Variants in RORA observed in about 807,000 individuals in gnomAD.
RORA encodes nuclear receptor ROR-alpha.
RORA carries 7 observed loss-of-function variants against 69.5 expected under a neutral mutation model. That is an observed-to-expected ratio of 0.10 (90% CI 0.06 to 0.19). RORA has a LOEUF of 0.19. Ranked by LOEUF, RORA falls within the 10% of genes least tolerant of loss-of-function variation. The probability of loss-of-function intolerance (pLI) is 1.00; values close to 1 mark genes in which losing one functional copy is unlikely to be tolerated. For synonymous variants in RORA, 261 were observed against 240.8 expected, an observed-to-expected ratio of 1.08 and a Z score of -0.78; for missense variants, 457 against 663.0, an observed-to-expected ratio of 0.69 and a Z score of 3.41.
Position 61,229,155 on chromosome 15 carries a change from C to A in RORA, c.64G>T (p.Ala22Ser). Residue 22 changes from alanine to serine, a missense_variant, in exon 1 of 11, where the codon GCG (alanine) becomes TCG (serine). By Grantham distance (99) the Ala-to-Ser change is moderately conservative. Coordinates refer to ENST00000335670, the MANE Select transcript of RORA (RefSeq NM_134261.3). ...ASEPGSSGAD[A>S]AAGSRETPLN... ...GGGGTCTCCCTGGAGCCGGCGGCCG[C>A]GTCCGCGCCGCTGCTGCCTGGCTCG... 1 of 1,546,764 alleles carries A rather than the reference C, an allele frequency of 6.5e-7. No homozygotes were observed. Among genetic ancestry groups the A allele is most frequent in the Non-Finnish European group, 8.7e-7 (1 of 1,146,732 alleles).
At chr15:60,857,601 A>G (rs926612690) in intron 1 of RORA, among the ~76,000 whole-genome samples, 3 of 152,164 alleles carry the variant, frequency 2.0e-5, no homozygotes, top group African/African-American at 7.2e-5. Flanking sequence ...TCAGCCTCAA[A>G]GCATCCAGCC....
At chr15:60,685,245 A>T (rs966140666) in intron 1 of RORA, among the ~76,000 whole-genome samples, 9 of 152,190 alleles carry the variant, frequency 5.9e-5, no homozygotes, top group Non-Finnish European at 1.0e-4. Context: ...TCCCTGCCAC[A>T]TTCTCAACAA....
chr15:60,647,269 G>A (rs1413500346), intron 2 of RORA, among the ~76,000 whole-genome samples: 3 of 152,130 alleles, frequency 2.0e-5, no homozygotes, highest in Non-Finnish European at 2.9e-5. Context: ...CCCTTAAGCC[G>A]CACTCAGATA....
intron 2 of RORA, among the ~76,000 whole-genome samples, chr15:60,551,197 G>C (rs2067218513): frequency 6.6e-6 from 1 of 152,068 alleles, no homozygotes; most frequent in African/African-American, 2.4e-5. Context: ...AATTACTGGT[G>C]AGAGTGAGTA....
rs1351395580 is a variant in RORA at position 61,229,086 on chromosome 15, C to T, written c.133G>A (p.Val45Met). The T allele has an allele frequency of 2.6e-6, 4 of 1,538,026 alleles. No homozygotes were observed. Among genetic ancestry groups the T allele is most frequent in the African/African-American group, 2.8e-5 (2 of 71,304 alleles). The change falls in exon 1 of 11, where the codon GTG becomes ATG. Residue 45 changes from valine to methionine, a missense_variant. By Grantham distance (21) the Val-to-Met change is conservative (BLOSUM62 1). This residue lies in a region of RORA where 119 missense variants were observed against 92.4 expected (regional missense o/e 1.29). Transcript: ENST00000335670. ...SARKSEPPAP[V>M]RRQSYSSTSR... ...GTGCTGGAATAGCTCTGTCTGCGCA[C>T]CGGGGCAGGCGGCTCGCTCTTGCGG...
intron 1 of RORA, among the ~76,000 whole-genome samples, chr15:60,742,346 C>T (rs979224798): frequency 1.3e-5 from 2 of 151,964 alleles, no homozygotes; most frequent in Admixed American, 1.3e-4. Context: ...CCCCACTACA[C>T]ACAGAGTAAA....
chr15:60,952,529 T>C (rs1404419765), intron 1 of RORA, among the ~76,000 whole-genome samples: 2 of 151,800 alleles, frequency 1.3e-5, no homozygotes, highest in Admixed American at 6.6e-5. Flanking sequence ...CATGATTGTA[T>C]ATCTAGAAAA....
chr15:61,095,616 A>G (rs1289056949), intron 1 of RORA, among the ~76,000 whole-genome samples: 1 of 152,232 alleles, frequency 6.6e-6, no homozygotes, highest in Non-Finnish European at 1.5e-5. Context: ...ACAAAATCTA[A>G]AAGTATATAA....
At chr15:61,138,836 A>T (rs1471638211) in intron 1 of RORA, among the ~76,000 whole-genome samples, 3 of 150,196 alleles carry the variant, frequency 2.0e-5, no homozygotes, top group Non-Finnish European at 4.4e-5. Flanking sequence ...ATAAAATAAA[A>T]AAATAAATTA....
intron 1 of RORA, among the ~76,000 whole-genome samples, chr15:61,103,719 A>C (rs2078912387): frequency 6.6e-6 from 1 of 152,204 alleles, no homozygotes; most frequent in African/African-American, 2.4e-5. Flanking sequence ...GAACAGATCC[A>C]GATATGGCAG....
intron 1 of RORA, among the ~76,000 whole-genome samples, chr15:60,850,751 G>C (rs1339159479): frequency 6.6e-6 from 1 of 152,114 alleles, no homozygotes; most frequent in African/African-American, 2.4e-5. Flanking sequence ...GACAACTGGT[G>C]CAGCATCCTC....
intron 2 of RORA, among the ~76,000 whole-genome samples, chr15:60,588,409 T>A (rs1050437602): frequency 5.9e-5 from 9 of 151,992 alleles, no homozygotes; most frequent in Non-Finnish European, 1.0e-4. Flanking sequence ...AAGAGATTTT[T>A]AAGAAAACTG....
At chr15:60,765,761 C>T (rs535340242) in intron 1 of RORA, 1 of 152,212 alleles carries the variant, frequency 6.6e-6, no homozygotes, top group East Asian at 1.9e-4. Context: ...AATGTAAGAT[C>T]TTCAGATTTC....
intron 1 of RORA, among the ~76,000 whole-genome samples, chr15:61,118,719 A>C (rs2079072766): frequency 6.6e-6 from 1 of 152,174 alleles, no homozygotes; most frequent in East Asian, 1.9e-4. Flanking sequence ...ACTCTCCTCA[A>C]GGGTGACGCT....
At chr15:60,856,244 C>T (rs996263803) in intron 1 of RORA, among the ~76,000 whole-genome samples, 2 of 152,214 alleles carry the variant, frequency 1.3e-5, no homozygotes, top group Admixed American at 1.3e-4. Context: ...TTTGAGGCCA[C>T]TATTAAGTGG....
intron 2 of RORA, chr15:60,593,091 G>T (rs956282326): frequency 2.8e-6 from 1 of 354,178 alleles, no homozygotes; most frequent in Admixed American, 3.6e-5. Context: ...ACCGTCCGGG[G>T]AGTGGAGTAA....
intron 1 of RORA, among the ~76,000 whole-genome samples, chr15:60,866,504 C>T (rs1253331824): frequency 6.6e-6 from 1 of 152,104 alleles, no homozygotes; most frequent in African/African-American, 2.4e-5. Flanking sequence ...ATTACACCTG[C>T]GTTTATATTA....
At chr15:61,119,100 G>GGAGC (rs978801841) in intron 1 of RORA, among the ~76,000 whole-genome samples, 2 of 149,162 alleles carry the variant, frequency 1.3e-5, no homozygotes, top group Non-Finnish European at 3.0e-5. Flanking sequence ...GGGGCGCCAT[G>GGAGC]GAGCAGTCGT....
intron 2 of RORA, among the ~76,000 whole-genome samples, chr15:60,575,017 G>T (rs532580516): frequency 1.3e-5 from 2 of 151,928 alleles, no homozygotes; most frequent in African/African-American, 4.8e-5. Context: ...TGTACTACTC[G>T]ATTTTTTATG....
Sources: allele counts gnomAD v4.1 joint callset (sites outside exome capture counted in the v4.1 genomes callset), GRCh38; gene constraint gnomAD v4.1.1; regional missense constraint gnomAD v4.1.1; transcripts MANE v1.5; gene names NCBI Gene and HGNC (gene_info 2026-07-23, HGNC 2026-07-21).